The following ALPK2 variants were observed in gnomAD, a reference collection of about 807,000 sequenced individuals.
ALPK2 encodes alpha kinase 2.
ALPK2 carries 127 observed loss-of-function variants against 163.1 expected under a neutral mutation model. The observed-to-expected ratio is 0.78, with a 90% confidence interval of 0.67 to 0.90. The LOEUF (loss-of-function observed/expected upper bound fraction) is 0.90, where lower values mean the gene tolerates loss of function less well. ALPK2 is among the 40% of genes least tolerant of loss of function. The pLI is 0.00. For synonymous variants in ALPK2, 953 were observed against 959.1 expected, an observed-to-expected ratio of 0.99 and a Z score of 0.12; for missense variants, 2,360 against 2,589.6, an observed-to-expected ratio of 0.91 and a Z score of 1.92.
At chr18:58,513,377 G>T (rs1378571371) in intron 10 of ALPK2, among the ~76,000 whole-genome samples, 2 of 152,102 alleles carry the variant, frequency 1.3e-5, no homozygotes, top group Admixed American at 6.5e-5. Flanking sequence ...TGTACCGTCA[G>T]CATTCATGTG....
At chr18:58,618,292 C>A (rs758743400) in intron 1 of ALPK2, among the ~76,000 whole-genome samples, 7 of 152,178 alleles carry the variant, frequency 4.6e-5, no homozygotes. Context: ...GATGATCCAC[C>A]GGCCCCGGCC....
intron 1 of ALPK2, among the ~76,000 whole-genome samples, chr18:58,627,038 T>G (rs1415193477): frequency 6.6e-6 from 1 of 152,202 alleles, no homozygotes; most frequent in East Asian, 1.9e-4. Context: ...ATGAGTAAAC[T>G]GGGGTTCAAA....
chr18:58,590,849 G>C (rs1359922269), intron 3 of ALPK2, among the ~76,000 whole-genome samples: 1 of 152,196 alleles, frequency 6.6e-6, no homozygotes, highest in Non-Finnish European at 1.5e-5. Flanking sequence ...CCTCAGAGCT[G>C]TGTCTCTCCC....
intron 8 of ALPK2, among the ~76,000 whole-genome samples, chr18:58,521,774 C>T (rs777318634): frequency 3.3e-5 from 5 of 151,612 alleles, no homozygotes; most frequent in African/African-American, 1.2e-4. Flanking sequence ...ATTACAGGTG[C>T]GTGCCACCAT....
chr18:58,492,146 G>GACACACACAC (rs60280063), intron 12 of ALPK2, among the ~76,000 whole-genome samples: 3,205 of 151,410 alleles, frequency 0.021, 40 homozygotes, highest in African/African-American at 0.029. Flanking sequence ...GGTCTCTTTA[G>GACACACACAC]ACACACACAC....
At chr18:58,627,485 A>G (rs1385497367) in intron 1 of ALPK2, among the ~76,000 whole-genome samples, 1 of 152,110 alleles carries the variant, frequency 6.6e-6, no homozygotes, top group Non-Finnish European at 1.5e-5. Flanking sequence ...TTAGCTGGGC[A>G]TGGTGGCAGG....
chr18:58,543,347 G>A (rs2051700942), intron 4 of ALPK2: 1 of 984,990 alleles, frequency 1.0e-6, no homozygotes, highest in Admixed American at 6.1e-5. Flanking sequence ...GTCACAGAGG[G>A]AACAAGTGCT....
intron 11 of ALPK2, among the ~76,000 whole-genome samples, chr18:58,500,303 T>G (rs2051425179): frequency 6.6e-6 from 1 of 150,400 alleles, no homozygotes; most frequent in Admixed American, 6.6e-5. Context: ...TCATGGAAAA[T>G]TGTATTTTAA....
chr18:58,579,209 T>TC lies in ALPK2; in HGVS notation c.1566_1567insG (p.Lys523GlufsTer50), dbSNP rs763053514. 22 of 1,613,946 alleles carry TC rather than the reference T, an allele frequency of 1.4e-5. No homozygotes were observed. In the Admixed American group the frequency reaches 2.8e-4, roughly 21 times the overall value. On this transcript the variant is annotated frameshift_variant, in exon 4 of 13. Coordinates refer to ENST00000361673, the MANE Select transcript of ALPK2 (RefSeq NM_052947.4). LOFTEE classifies it high-confidence loss of function. ...GAACCCCTCTTGCTCCATAAGTCCTTTCCCCCCACTCTCTTGTCAGCTGCC... is the reference window on the plus strand; with the variant it reads ...GAACCCCTCTTGCTCCATAAGTCCTTCTCCCCCCACTCTCTTGTCAGCTGCC...
At chr18:58,593,510 G>A (rs1203062338) in intron 3 of ALPK2, among the ~76,000 whole-genome samples, 2 of 143,552 alleles carry the variant, frequency 1.4e-5, no homozygotes, top group African/African-American at 5.3e-5. Context: ...GTTGCAATGA[G>A]CTGAGATTTC....
rs1456016561 is a variant in ALPK2 at position 58,537,584 on chromosome 18, A to G, written c.2603T>C (p.Val868Ala). 1 of 1,613,834 alleles carries G rather than the reference A, an allele frequency of 6.2e-7. No homozygotes were observed. The highest frequency in any genetic ancestry group is 8.5e-7 in the Non-Finnish European group (1 of 1,179,850). Residue 868 changes from valine to alanine, a missense_variant, in exon 5 of 13, where the codon GTG becomes GCG. By Grantham distance (64) the Val-to-Ala change is moderately conservative. Transcript: ENST00000361673. ...KTLEVFFQTQVSETSVSTCKS... is the reference protein window; with the variant it reads ...KTLEVFFQTQASETSVSTCKS... ...GCACGTAGACACTGAAGTCTCAGAC[A>G]CTTGTGTCTGAAAAAAGACTTCCAG...
chr18:58,613,313 G>T (rs2052144233), intron 1 of ALPK2, among the ~76,000 whole-genome samples: 1 of 152,160 alleles, frequency 6.6e-6, no homozygotes. Flanking sequence ...AACATAATTT[G>T]CAGGGCCCGG....
intron 4 of ALPK2, chr18:58,566,375 A>G (rs2144182594): frequency 6.6e-6 from 1 of 152,170 alleles, no homozygotes; most frequent in African/African-American, 2.4e-5. Flanking sequence ...ATGTACGGCA[A>G]CTCCCACACT....
At chr18:58,555,915 C>G (rs571342962) in intron 4 of ALPK2, among the ~76,000 whole-genome samples, 64 of 152,064 alleles carry the variant, frequency 4.2e-4, no homozygotes, top group Admixed American at 1.2e-3. Context: ...TCTGCCTCCC[C>G]GGTTCAAGCG....
At chr18:58,608,378 G>A (rs928199564) in intron 2 of ALPK2, among the ~76,000 whole-genome samples, 1 of 152,166 alleles carries the variant, frequency 6.6e-6, no homozygotes, top group South Asian at 2.1e-4. Context: ...TGATGTTAAT[G>A]GGCTAATCCG....
At chr18:58,517,890 A>G (rs937557235) in intron 8 of ALPK2, among the ~76,000 whole-genome samples, 1 of 152,198 alleles carries the variant, frequency 6.6e-6, no homozygotes, top group Non-Finnish European at 1.5e-5. Flanking sequence ...ATTATTTTGC[A>G]TTTATTTGTA....
chr18:58,616,123 C>G (rs995650385), intron 1 of ALPK2, among the ~76,000 whole-genome samples: 1 of 152,138 alleles, frequency 6.6e-6, no homozygotes, highest in Non-Finnish European at 1.5e-5. Context: ...TCACAGATGA[C>G]CTTGGGAAAA....
In ALPK2 at chr18:58,579,091, A is replaced by C; in HGVS notation, c.1685T>G (p.Leu562Arg). The C allele has an allele frequency of 6.2e-7, 1 of 1,614,196 alleles. No homozygotes were observed. The highest frequency in any genetic ancestry group is 1.3e-5 in the African/African-American group (1 of 75,054). The change falls in exon 4 of 13, where the codon CTT becomes CGT. Residue 562 changes from leucine to arginine, a missense_variant. By Grantham distance (102) the Leu-to-Arg change is moderately radical. Transcript: ENST00000361673. Reference protein sequence around the residue: ...NLRESTTEGTLHLCSAKESAE... With the variant: ...NLRESTTEGTRHLCSAKESAE... ...AGATTCTTTGGCAGAGCAGAGATGA[A>C]GGGTACCTTCTGTTGTACTTTCTCT...
At position 58,536,304 on chromosome 18, in the gene ALPK2, CTGCTAT is replaced by C; in HGVS notation, c.3877_3882del (p.Ile1293_Ala1294del). 1.2e-6 allele frequency: 2 copies of C among 1,614,204 alleles called. No individual in the cohort carries two copies. Among genetic ancestry groups the C allele is most frequent in the Non-Finnish European group, 1.7e-6 (2 of 1,180,038 alleles). On this transcript the variant is annotated inframe_deletion, in exon 5 of 13. Transcript: ENST00000361673. ...GCATCCTCTGGACTGTGAGCCAATG[CTGCTAT>C]TTCAGAGGGGGCCAATTCAGGCACA... is the stretch of plus-strand genomic sequence containing the variant.
Sources: allele counts gnomAD v4.1 joint callset (sites outside exome capture counted in the v4.1 genomes callset), GRCh38; gene constraint gnomAD v4.1.1; transcripts MANE v1.5; gene names NCBI Gene and HGNC (gene_info 2026-07-23, HGNC 2026-07-21).